Variants in EEF2K observed in about 807,000 individuals in gnomAD.
The protein encoded by EEF2K is eukaryotic elongation factor 2 kinase.
EEF2K carries 70 observed loss-of-function variants against 93.8 expected under a neutral mutation model. That is an observed-to-expected ratio of 0.75 (90% CI 0.62 to 0.91). The LOEUF is 0.91. Among genes scored for constraint, EEF2K ranks in the 40% least tolerant of loss-of-function variants. The pLI is 0.00. For synonymous variants in EEF2K, 376 were observed against 380.8 expected, an observed-to-expected ratio of 0.99 and a Z score of 0.15; for missense variants, 935 against 972.9, an observed-to-expected ratio of 0.96 and a Z score of 0.52.
At chr16:22,253,138 C>T (rs1301422715) in intron 6 of EEF2K, among the ~76,000 whole-genome samples, 1 of 152,128 alleles carries the variant, frequency 6.6e-6, no homozygotes, top group African/African-American at 2.4e-5. Flanking sequence ...TTTTCAACCC[C>T]CTGCTAGGTT....
chr16:22,225,222 T>C (rs376092658), intron 1 of EEF2K, among the ~76,000 whole-genome samples: 1 of 152,228 alleles, frequency 6.6e-6, no homozygotes, highest in East Asian at 1.9e-4. Flanking sequence ...CCAGTGTACC[T>C]GGAGAGCAGC....
intron 2 of EEF2K, among the ~76,000 whole-genome samples, chr16:22,241,415 C>A (rs912724440): frequency 6.6e-6 from 1 of 151,986 alleles, no homozygotes; most frequent in Non-Finnish European, 1.5e-5. Flanking sequence ...GAGGCCAAGG[C>A]GGGTGGATCA....
rs531947793 is a variant in EEF2K, at chr16:22,287,148, G to A, written c.*3152G>A. Reference sequence around the variant, plus strand: ...GGCTGAGGTGGGCGGATCACCTGAAGTCAGCTACTCGGGAGGCTGAGGCAG... The same window carrying A: ...GGCTGAGGTGGGCGGATCACCTGAAATCAGCTACTCGGGAGGCTGAGGCAG... On this transcript the variant is annotated 3_prime_UTR_variant, in exon 18 of 18. Coordinates refer to ENST00000263026, the MANE Select transcript of EEF2K (RefSeq NM_013302.5). 1 of 152,486 alleles carries A rather than the reference G, an allele frequency of 6.6e-6. No individual in the cohort carries two copies. The highest frequency in any genetic ancestry group is 2.1e-4 in the South Asian group (1 of 4,830). The allele number at this position is 152,486 out of a possible 1,614,324, so 9.4% of individuals were successfully genotyped here.
At chr16:22,242,730 G>T (rs1251265348) in intron 2 of EEF2K, among the ~76,000 whole-genome samples, 1 of 152,116 alleles carries the variant, frequency 6.6e-6, no homozygotes, top group Non-Finnish European at 1.5e-5. Context: ...CTGAAACAGG[G>T]CTGTTCTGCA....
chr16:22,251,068 G>T (rs2047344935), intron 5 of EEF2K, 83 bp from the exon 6 acceptor site: 9 of 1,522,228 alleles, frequency 5.9e-6, no homozygotes, highest in South Asian at 1.3e-5. Flanking sequence ...ATCAGACAGG[G>T]TCTTGCTGTC....
intron 2 of EEF2K, among the ~76,000 whole-genome samples, chr16:22,239,920 T>C (rs906006283): frequency 1.3e-5 from 2 of 151,698 alleles, no homozygotes; most frequent in African/African-American, 4.8e-5. Context: ...CTGGCCAACA[T>C]GGTGAAACCC....
At chr16:22,230,992 G>A (rs2047109362) in intron 2 of EEF2K, among the ~76,000 whole-genome samples, 1 of 151,810 alleles carries the variant, frequency 6.6e-6, no homozygotes, top group Non-Finnish European at 1.5e-5. Flanking sequence ...TCCATAAAGA[G>A]CCTTTGGCAC....
chr16:22,251,847 G>T (rs1235389619), intron 6 of EEF2K, among the ~76,000 whole-genome samples: 1 of 152,088 alleles, frequency 6.6e-6, no homozygotes, highest in Non-Finnish European at 1.5e-5. Context: ...AGGCCAGAGT[G>T]CAGTGGCATA....
At chr16:22,235,790 G>A (rs1275768154) in intron 2 of EEF2K, among the ~76,000 whole-genome samples, 3 of 151,730 alleles carry the variant, frequency 2.0e-5, no homozygotes, top group East Asian at 1.9e-4. Context: ...GAGCCACCGC[G>A]TCTGGCCAGT....
At chr16:22,206,854 T>TG (rs1440432072) in intron 1 of EEF2K, among the ~76,000 whole-genome samples, 175 bp downstream of exon 1, 1 of 152,194 alleles carries the variant, frequency 6.6e-6, no homozygotes, top group Non-Finnish European at 1.5e-5. Flanking sequence ...TTAAACTCTC[T>TG]GGGGCTAAGT....
intron 16 of EEF2K, among the ~76,000 whole-genome samples, chr16:22,279,506 C>T (rs2047672785): frequency 6.6e-6 from 1 of 152,100 alleles, no homozygotes; most frequent in Non-Finnish European, 1.5e-5. Flanking sequence ...GTAATAATCA[C>T]ATCAGGATAA....
chr16:22,231,964 T>C (rs949012344), intron 2 of EEF2K, among the ~76,000 whole-genome samples: 1 of 127,096 alleles, frequency 7.9e-6, no homozygotes, highest in African/African-American at 3.1e-5. Flanking sequence ...CACTCCAGCC[T>C]GGGCAACGAG....
chr16:22,207,345 G>T (rs921031851), intron 1 of EEF2K, among the ~76,000 whole-genome samples: 1 of 152,142 alleles, frequency 6.6e-6, no homozygotes, highest in Admixed American at 6.5e-5. Context: ...ATCTGCCCAG[G>T]GGGACGGTCC....
At chr16:22,277,106 T>C (rs2047645063) in intron 16 of EEF2K, among the ~76,000 whole-genome samples, 1 of 152,120 alleles carries the variant, frequency 6.6e-6, no homozygotes, top group African/African-American at 2.4e-5. Flanking sequence ...CACCAATAAT[T>C]TTCAAATGGT....
chr16:22,277,385 T>C (rs2047647771), intron 16 of EEF2K, among the ~76,000 whole-genome samples: 1 of 152,184 alleles, frequency 6.6e-6, no homozygotes, highest in African/African-American at 2.4e-5. Flanking sequence ...TCCTCCAACC[T>C]AGGCCTCCCA....
chr16:22,226,628 A>G (rs935092522), intron 2 of EEF2K, among the ~76,000 whole-genome samples: 2 of 149,396 alleles, frequency 1.3e-5, no homozygotes, highest in African/African-American at 2.5e-5. Flanking sequence ...CAAGCCTCCC[A>G]CCTCAGCCTC....
rs779467212 is a variant in EEF2K at position 22,266,512 on chromosome 16, C to A, written c.1563C>A (p.Ser521=). ...ACCTCGAAAAGAAAATCGGGAAGTC[C>A]ATTTTGGGGAAGGTATCGGCGATGC... ...ALDLEKKIGK[S]ILGKVHLAMV... The change falls in exon 14 of 18, where the codon TCC becomes TCA. Residue 521 remains serine, a synonymous_variant. Transcript: ENST00000263026. 18 of 1,614,198 alleles carry A rather than the reference C, an allele frequency of 1.1e-5. No homozygotes were observed. The highest frequency in any genetic ancestry group is 1.4e-5 in the Non-Finnish European group (17 of 1,180,042).
intron 6 of EEF2K, among the ~76,000 whole-genome samples, chr16:22,254,114 G>T (rs898995358): frequency 1.1e-4 from 16 of 150,324 alleles, no homozygotes; most frequent in African/African-American, 3.9e-4. Flanking sequence ...AGTAGTAGTA[G>T]TAGTAGTAGT....
At chr16:22,258,891 G>A in intron 10 of EEF2K, 196 bp downstream of exon 10, 1 of 607,762 alleles carries the variant, frequency 1.6e-6, no homozygotes. Context: ...AACCCCTATT[G>A]TAGGAAACAA....
Sources: gnomAD v4.1 joint callset for allele counts (sites outside exome capture counted in the v4.1 genomes callset) on GRCh38, gnomAD v4.1.1 for gene constraint, MANE v1.5 for transcripts, NCBI Gene and HGNC (gene_info 2026-07-23, HGNC 2026-07-21) for gene names.